CREB3L2: variants seen among roughly 807,000 people sequenced by gnomAD.
The protein encoded by CREB3L2 is cyclic AMP-responsive element-binding protein 3-like protein 2.
In CREB3L2, 23 loss-of-function variants were observed where a neutral mutation model predicts 57.2. That is an observed-to-expected ratio of 0.40 (90% CI 0.29 to 0.57). The LOEUF is 0.57. Among genes scored for constraint, CREB3L2 ranks in the 20% least tolerant of loss-of-function variants. The probability of loss-of-function intolerance (pLI) is 0.42; values close to 1 mark genes in which losing one functional copy is unlikely to be tolerated. For synonymous variants in CREB3L2, 268 were observed against 265.1 expected, an observed-to-expected ratio of 1.01 and a Z score of -0.11; for missense variants, 628 against 634.7, an observed-to-expected ratio of 0.99 and a Z score of 0.11.
chr7:137,946,876 T>TTATATATATAGTTA lies in CREB3L2; in HGVS notation c.103-18511_103-18510insTAACTATATATATA, dbSNP rs1429752809. Among the ~76,000 whole-genome samples, 9 of 59,156 alleles carry TTATATATATAGTTA rather than the reference T, an allele frequency of 1.5e-4. 3 individuals are homozygous for TTATATATATAGTTA. The highest frequency in any genetic ancestry group is 9.9e-4 in the African/African-American group (9 of 9,094). 38.8% of individuals were successfully genotyped at this position (59,156 alleles called of 152,430 possible). A position where few individuals can be genotyped will look rare whatever the true frequency, so the allele number is the denominator to read the frequency against. ...GTTATCTATATAGTTATATATATAG[T>TTATATATATAGTTA]TATCTATATAGTTATATATATAGTT... On this transcript the variant is annotated intron_variant, in intron 1 of 11. Transcript: ENST00000330387.
chr7:137,969,819 AAAAATAAGTTAATATGGT>A (rs150507035), intron 1 of CREB3L2, among the ~76,000 whole-genome samples: 2,739 of 142,728 alleles, frequency 0.019, 92 homozygotes, highest in African/African-American at 0.064. Context: ...AGAAAGACAG[AAAAATAAGTTAATATGGT>A]AAAATATTAG....
chr7:137,983,288 C>A (rs1460713229), intron 1 of CREB3L2, among the ~76,000 whole-genome samples: 1 of 152,118 alleles, frequency 6.6e-6, no homozygotes, highest in Non-Finnish European at 1.5e-5. Context: ...CTGGCTGGGC[C>A]CTCGAAGAAG....
intron 2 of CREB3L2, among the ~76,000 whole-genome samples, chr7:137,916,930 G>GT (rs1333622551): frequency 6.6e-6 from 1 of 152,084 alleles, no homozygotes; most frequent in African/African-American, 2.4e-5. Flanking sequence ...AAGTTATTTG[G>GT]TTTTTTGATA....
At chr7:137,924,349 A>C (rs1485718513) in intron 2 of CREB3L2, among the ~76,000 whole-genome samples, 1 of 152,222 alleles carries the variant, frequency 6.6e-6, no homozygotes, top group East Asian at 1.9e-4. Flanking sequence ...GATAGGGGCC[A>C]TGTCTGGTTC....
At chr7:137,917,931 G>A (rs1367323608) in intron 2 of CREB3L2, among the ~76,000 whole-genome samples, 1 of 152,050 alleles carries the variant, frequency 6.6e-6, no homozygotes, top group African/African-American at 2.4e-5. Flanking sequence ...GGGAGGGCGG[G>A]GGAACAAAGG....
At chr7:137,893,183 T>C (rs1799557652) in intron 8 of CREB3L2, among the ~76,000 whole-genome samples, 1 of 152,214 alleles carries the variant, frequency 6.6e-6, no homozygotes, top group Admixed American at 6.5e-5. Context: ...AAATGCTATA[T>C]TACCTACTGG....
chr7:137,892,166 A>G (rs768608157), intron 8 of CREB3L2, among the ~76,000 whole-genome samples: 38 of 152,186 alleles, frequency 2.5e-4, no homozygotes, highest in Non-Finnish European at 5.1e-4. Context: ...AGAATACACA[A>G]TATCAGAGGG....
intron 8 of CREB3L2, among the ~76,000 whole-genome samples, chr7:137,890,589 AG>A (rs1375414842): frequency 1.3e-5 from 2 of 152,242 alleles, no homozygotes; most frequent in Admixed American, 6.5e-5. Flanking sequence ...TGGAATAATG[AG>A]AAAATGCCCC....
At chr7:137,983,670 C>T (rs926590959) in intron 1 of CREB3L2, among the ~76,000 whole-genome samples, 3 of 152,210 alleles carry the variant, frequency 2.0e-5, no homozygotes, top group African/African-American at 7.2e-5. Context: ...GCCACCTTCC[C>T]GGCCTGGCCA....
At chr7:137,899,426 T>A (rs1033796163) in intron 8 of CREB3L2, among the ~76,000 whole-genome samples, 3 of 152,212 alleles carry the variant, frequency 2.0e-5, no homozygotes, top group African/African-American at 4.8e-5. Context: ...CCCATGAACA[T>A]GGGGCTGCTG....
intron 4 of CREB3L2, among the ~76,000 whole-genome samples, chr7:137,910,930 T>C (rs2117212566): frequency 6.6e-6 from 1 of 152,334 alleles, no homozygotes; most frequent in East Asian, 1.9e-4. Context: ...TCAAGGATAT[T>C]GAATTTCCTT....
intron 1 of CREB3L2, among the ~76,000 whole-genome samples, chr7:137,995,296 C>G (rs1801969207): frequency 6.7e-6 from 1 of 150,048 alleles, no homozygotes; most frequent in African/African-American, 2.5e-5. Context: ...CTGAATCAGC[C>G]AACAAGGAGC....
chr7:137,919,191 T>G (rs1800216780), intron 2 of CREB3L2, among the ~76,000 whole-genome samples: 2 of 151,156 alleles, frequency 1.3e-5, no homozygotes, highest in Non-Finnish European at 2.9e-5. Context: ...TTTTTTTTTT[T>G]GAGACAGTCT....
At chr7:137,910,458 AG>A (rs1479211237) in intron 4 of CREB3L2, among the ~76,000 whole-genome samples, 1 of 152,148 alleles carries the variant, frequency 6.6e-6, no homozygotes, top group African/African-American at 2.4e-5. Context: ...CAGGCAGCCC[AG>A]GAAGGGAAAA....
intron 4 of CREB3L2, among the ~76,000 whole-genome samples, chr7:137,910,013 T>A (rs998621771): frequency 6.6e-6 from 1 of 152,190 alleles, no homozygotes; most frequent in Non-Finnish European, 1.5e-5. Context: ...GTCCTCCTTA[T>A]CCACGTGGAA....
In CREB3L2 at chr7:137,878,692, C is replaced by T. The variant is rs573783249; in HGVS notation, c.*1784G>A. 2.6e-5 allele frequency: 6 copies of T among 233,976 alleles called. No individual in the cohort carries two copies. The highest frequency in any genetic ancestry group is 8.8e-5 in the African/African-American group (4 of 45,438). The allele number at this position is 233,976 out of a possible 1,614,324, so 14.5% of individuals were successfully genotyped here. A position where few individuals can be genotyped will look rare whatever the true frequency, so the allele number is the denominator to read the frequency against. On this transcript the variant is annotated 3_prime_UTR_variant, in exon 12 of 12. Coordinates refer to ENST00000330387, the MANE Select transcript of CREB3L2 (RefSeq NM_194071.4). ...CTCACAGTGAGAAGATGAACTTGGC[C>T]GCTTTCCAGGCTGGAACCGTCTCCA...
At chr7:137,983,453 A>ATAC (rs1282737365) in intron 1 of CREB3L2, among the ~76,000 whole-genome samples, 1 of 152,186 alleles carries the variant, frequency 6.6e-6, no homozygotes, top group African/African-American at 2.4e-5. Context: ...GGCTAACTTA[A>ATAC]TACTCCCTCT....
At chr7:137,926,037 T>TA (rs1186309370) in intron 2 of CREB3L2, among the ~76,000 whole-genome samples, 8 of 152,202 alleles carry the variant, frequency 5.3e-5, no homozygotes, top group Admixed American at 5.2e-4. Context: ...TTAAAGGGCA[T>TA]CTCATGCCAT....
In CREB3L2 at chr7:137,879,962, C is replaced by T; in HGVS notation, c.*514G>A. ...GACGAGACGATCCAGCGAGGGCTCC[C>T]AGGGGGCAGAGTGGGCGGAGGGCTG... is the stretch of plus-strand genomic sequence containing the variant. On this transcript the variant is annotated 3_prime_UTR_variant, in exon 12 of 12. Coordinates refer to ENST00000330387, the MANE Select transcript of CREB3L2 (RefSeq NM_194071.4). 1 of 237,832 alleles carries T rather than the reference C, an allele frequency of 4.2e-6. No individual in the cohort carries two copies. The highest frequency in any genetic ancestry group is 5.4e-5 in the Admixed American group (1 of 18,630). 14.7% of individuals were successfully genotyped at this position (237,832 alleles called of 1,614,324 possible).
Sources: gnomAD v4.1 joint callset for allele counts (sites outside exome capture counted in the v4.1 genomes callset) on GRCh38, gnomAD v4.1.1 for gene constraint, MANE v1.5 for transcripts, NCBI Gene and HGNC (gene_info 2026-07-23, HGNC 2026-07-21) for gene names.